The following PDE4D variants were observed in gnomAD, a reference collection of about 807,000 sequenced individuals.
PDE4D encodes phosphodiesterase 4D.
PDE4D carries 24 observed loss-of-function variants against 87.4 expected under a neutral mutation model. The observed-to-expected ratio is 0.27, with a 90% CI of 0.20 to 0.39. The LOEUF is 0.39. Among genes scored for constraint, PDE4D ranks in the 10% least tolerant of loss-of-function variants. The probability of loss-of-function intolerance (pLI) is 1.00; values close to 1 mark genes in which losing one functional copy is unlikely to be tolerated. For missense variants in PDE4D, 714 were observed against 1,041.0 expected, an observed-to-expected ratio of 0.69 and a Z score of 4.32; for synonymous variants, 384 against 383.2, an observed-to-expected ratio of 1.00 and a Z score of -0.02.
chr5:60,298,484 T>C (rs886329627), intron 1 of PDE4D, among the ~76,000 whole-genome samples: 4 of 152,208 alleles, frequency 2.6e-5, no homozygotes, highest in Admixed American at 6.5e-5. Context: ...GTCATGACTA[T>C]GGAAAAACAA....
At chr5:59,996,959 A>G (rs1398983131) in intron 2 of PDE4D, among the ~76,000 whole-genome samples, 4 of 152,146 alleles carry the variant, frequency 2.6e-5, no homozygotes, top group African/African-American at 9.7e-5. Flanking sequence ...GTCCTTCTAA[A>G]GCCAATTTCC....
At chr5:59,223,856 G>A (rs1753090760) in intron 1 of PDE4D, among the ~76,000 whole-genome samples, 1 of 152,028 alleles carries the variant, frequency 6.6e-6, no homozygotes, top group African/African-American at 2.4e-5. Context: ...GAGAAGGCAT[G>A]ATATTTAGCT....
intron 1 of PDE4D, among the ~76,000 whole-genome samples, chr5:60,195,476 GAATCA>G (rs1287817179): frequency 1.3e-5 from 2 of 151,744 alleles, no homozygotes; most frequent in African/African-American, 2.4e-5. Flanking sequence ...AGACTGAAAA[GAATCA>G]AATCATTTCC....
chr5:59,581,967 C>T lies in PDE4D; in HGVS notation c.455+311201G>A, dbSNP rs577246461. Reference sequence around the variant, plus strand: ...ACATTGAGCCCTAGGGATTTGTGAACGAGATGAGTTTGTATAATTATGAGC... The same window carrying T: ...ACATTGAGCCCTAGGGATTTGTGAATGAGATGAGTTTGTATAATTATGAGC... On this transcript the variant is annotated intron_variant, in intron 1 of 14. Transcript: ENST00000340635. Among the ~76,000 whole-genome samples the T allele has an allele frequency of 1.2e-4, 18 of 152,188 alleles. No individual in the cohort carries two copies. The South Asian group carries it at 3.5e-3, about 30-fold the overall frequency.
intron 1 of PDE4D, among the ~76,000 whole-genome samples, chr5:60,394,627 C>A (rs535699343): frequency 1.3e-5 from 2 of 152,264 alleles, no homozygotes; most frequent in Admixed American, 1.3e-4. Flanking sequence ...ATCATCTAGA[C>A]TTTTATCCTA....
At chr5:60,396,998 T>C (rs1294874712) in intron 1 of PDE4D, among the ~76,000 whole-genome samples, 1 of 152,218 alleles carries the variant, frequency 6.6e-6, no homozygotes, top group Non-Finnish European at 1.5e-5. Context: ...ATTCTTCACG[T>C]GGTCCAATGC....
chr5:59,244,682 GT>G (rs2153525180), intron 1 of PDE4D, among the ~76,000 whole-genome samples: 1 of 39,642 alleles, frequency 2.5e-5, no homozygotes, highest in South Asian at 7.9e-4. Context: ...GTGTGTGTCT[GT>G]GTGTGTGTGT....
chr5:59,819,256 G>A (rs1487489028), intron 1 of PDE4D, among the ~76,000 whole-genome samples: 1 of 152,162 alleles, frequency 6.6e-6, no homozygotes, highest in Non-Finnish European at 1.5e-5. Context: ...AATCTATGCA[G>A]GTTTTATTTT....
intron 1 of PDE4D, among the ~76,000 whole-genome samples, chr5:59,392,098 AGTAT>A (rs1173935602): frequency 6.6e-6 from 1 of 151,908 alleles, no homozygotes; most frequent in Non-Finnish European, 1.5e-5. Context: ...CTCAGAACAT[AGTAT>A]GCCTTCTGTG....
At chr5:59,903,486 A>G (rs1023413356) in intron 3 of PDE4D, among the ~76,000 whole-genome samples, 2 of 152,182 alleles carry the variant, frequency 1.3e-5, no homozygotes, top group Non-Finnish European at 2.9e-5. Context: ...GGGATAAGAC[A>G]GAGCAGGCAG....
chr5:59,864,475 C>G (rs1437223084), intron 1 of PDE4D, among the ~76,000 whole-genome samples: 1 of 152,166 alleles, frequency 6.6e-6, no homozygotes, highest in Non-Finnish European at 1.5e-5. Flanking sequence ...TAAAAATAAA[C>G]CAGCTCTATT....
chr5:60,132,493 T>TA (rs1197955619), intron 2 of PDE4D, among the ~76,000 whole-genome samples: 1 of 152,110 alleles, frequency 6.6e-6, no homozygotes, highest in East Asian at 1.9e-4. Context: ...TATATTTCAG[T>TA]AAAAAATAAT....
intron 3 of PDE4D, among the ~76,000 whole-genome samples, chr5:59,910,207 AT>A (rs1753294974): frequency 6.6e-6 from 1 of 152,076 alleles, no homozygotes; most frequent in Non-Finnish European, 1.5e-5. Flanking sequence ...TGCCTGTCTC[AT>A]TTTTGCACCT....
intron 1 of PDE4D, among the ~76,000 whole-genome samples, chr5:60,301,505 C>T (rs1024683300): frequency 2.0e-5 from 3 of 152,132 alleles, no homozygotes; most frequent in African/African-American, 7.2e-5. Context: ...ATTTGGCTCT[C>T]TGCTTGCCTG....
chr5:59,682,959 C>G (rs1283361558), intron 1 of PDE4D, among the ~76,000 whole-genome samples: 1 of 152,114 alleles, frequency 6.6e-6, no homozygotes, highest in Non-Finnish European at 1.5e-5. Context: ...GACATGACAA[C>G]TGATTGAAAA....
At chr5:59,151,448 G>T (rs1779462248) in intron 5 of PDE4D, among the ~76,000 whole-genome samples, 2 of 152,118 alleles carry the variant, frequency 1.3e-5, no homozygotes, top group African/African-American at 2.4e-5. Context: ...CAGTTATCTG[G>T]TTGGTTTCTG....
intron 1 of PDE4D, among the ~76,000 whole-genome samples, chr5:60,434,614 T>C (rs1396499678): frequency 6.6e-6 from 1 of 152,158 alleles, no homozygotes. Context: ...GTTTTACTTG[T>C]TAAATACAAT....
chr5:59,026,693 A>ACC (rs10658576), intron 6 of PDE4D, among the ~76,000 whole-genome samples: 2,403 of 152,164 alleles, frequency 0.016, 66 homozygotes, highest in African/African-American at 0.055. Flanking sequence ...GACATAGGAC[A>ACC]CCCCAGATAT....
chr5:59,384,710 A>G (rs1163086060), intron 1 of PDE4D, among the ~76,000 whole-genome samples: 1 of 152,104 alleles, frequency 6.6e-6, no homozygotes, highest in Non-Finnish European at 1.5e-5. Context: ...CTCTTTCTCA[A>G]GTCATTTTGT....
Sources: allele counts gnomAD v4.1 joint callset (sites outside exome capture counted in the v4.1 genomes callset), GRCh38; gene constraint gnomAD v4.1.1; transcripts MANE v1.5; gene names NCBI Gene and HGNC (gene_info 2026-07-23, HGNC 2026-07-21).